The following FAM50A variants were observed in gnomAD, a reference collection of about 807,000 sequenced individuals.
FAM50A encodes family with sequence similarity 50 member A, also known as protein FAM50A.
A neutral mutation model predicts 35.5 loss-of-function variants in FAM50A; 6 were observed. That is an observed-to-expected ratio of 0.17 (90% CI 0.09 to 0.33). The LOEUF is 0.33. FAM50A is among the 10% of genes least tolerant of loss of function. FAM50A has a pLI of 1.00. For missense variants in FAM50A, 145 were observed against 295.5 expected, an observed-to-expected ratio of 0.49 and a Z score of 3.73; for synonymous variants, 120 against 110.9, an observed-to-expected ratio of 1.08 and a Z score of -0.52.
chrX:154,446,577 G>T lies in FAM50A; in HGVS notation c.442+17G>T. On this transcript the variant is annotated intron_variant, in intron 4 of 12. Transcript: ENST00000393600. ...AAAGGGAAGGTGAGGGCTGGCTTGA[G>T]TCGGAGCCCCGCCCGCAGCCCCTGG... The T allele has an allele frequency of 2.6e-6, 3 of 1,132,743 alleles. No homozygotes were observed. Among genetic ancestry groups the T allele is most frequent in the Non-Finnish European group, 3.5e-6 (3 of 854,392 alleles). The allele number at this position is 1,132,743 out of a possible 1,213,427, so 93.4% of individuals were successfully genotyped here.
chrX:154,448,993 C>T lies in FAM50A; in HGVS notation c.648+39C>T, dbSNP rs781786885. On this transcript the variant is annotated intron_variant, in intron 7 of 12. Transcript: ENST00000393600. The stretch of plus-strand genomic sequence containing the variant: ...AGCCTGCTTCCTGCTCACCATGGGC[C>T]CAGCCTCCCTCAGGTTCCGTGGGAA... 4.4e-6 allele frequency: 5 copies of T among 1,147,457 alleles called. No individual in the cohort carries two copies. In the African/African-American group the frequency reaches 8.9e-5, roughly 20 times the overall value. 94.6% of individuals were successfully genotyped at this position (1,147,457 alleles called of 1,213,427 possible).
chrX:154,449,328 T>C (rs369805936), intron 8 of FAM50A, 31 bp downstream of exon 8: 4 of 1,127,102 alleles, frequency 3.5e-6, no homozygotes, highest in Non-Finnish European at 4.9e-6. Context: ...CACGGTGGTG[T>C]GTGTGGCACC....
Position 154,446,476 on chromosome X carries a change from C to T in FAM50A, c.358C>T (p.Leu120=). Reference sequence around the variant, plus strand: ...GGAAGCCAAGCGGAAGATCTCCAGCCTGTCCTTCACCCTGGAGGAGGAAGA... The same window carrying T: ...GGAAGCCAAGCGGAAGATCTCCAGCTTGTCCTTCACCCTGGAGGAGGAAGA... ...KKEAKRKISS[L]SFTLEEEEEG... is the part of the protein sequence containing the mutation. Residue 120 remains leucine (L), a synonymous_variant, in exon 4 of 13, where the codon CTG becomes TTG. Coordinates refer to ENST00000393600, the MANE Select transcript of FAM50A (RefSeq NM_004699.4). 1 of 1,208,636 alleles carries T rather than the reference C, an allele frequency of 8.3e-7. No homozygotes were observed. The highest frequency in any genetic ancestry group is 1.1e-6 in the Non-Finnish European group (1 of 892,873).
rs905104711 is a variant in FAM50A at position 154,450,491 on chromosome X, C to A, written c.*59C>A. 4.3e-6 allele frequency: 5 copies of A among 1,157,052 alleles called. No homozygotes were observed. The highest frequency in any genetic ancestry group is 2.2e-5 in the Admixed American group (1 of 44,536). ...GCTCCCTCAGTGTGCCCCGTGGTGT[C>A]ACCGGGACTCCAGGCACCCGCTCCC... On this transcript the variant is annotated 3_prime_UTR_variant, in exon 13 of 13. Transcript: ENST00000393600.
In FAM50A at chrX:154,450,483, C is replaced by T. The variant is rs376703304; in HGVS notation, c.*51C>T. On this transcript the variant is annotated 3_prime_UTR_variant, in exon 13 of 13. Transcript: ENST00000393600. ...GCTCCTCAGCTCCCTCAGTGTGCCCCGTGGTGTCACCGGGACTCCAGGCAC... is the reference window on the plus strand; with the variant it reads ...GCTCCTCAGCTCCCTCAGTGTGCCCTGTGGTGTCACCGGGACTCCAGGCAC... 2.7e-4 allele frequency: 317 copies of T among 1,178,618 alleles called. No individual in the cohort carries two copies. The Admixed American group carries it at 2.9e-3, about 11-fold the overall frequency.
chrX:154,445,744 C>T (rs1255616016), intron 2 of FAM50A, 27 bp downstream of exon 2: 1 of 1,184,884 alleles, frequency 8.4e-7, no homozygotes, highest in African/African-American at 1.8e-5. Context: ...TGCCCCTCAC[C>T]CGGGCCCCGG....
In FAM50A at chrX:154,450,285, C is replaced by G; in HGVS notation, c.977C>G (p.Pro326Arg). 1 of 1,210,974 alleles carries G rather than the reference C, an allele frequency of 8.3e-7. No homozygotes were observed. The highest frequency in any genetic ancestry group is 1.1e-6 in the Non-Finnish European group (1 of 894,876). Residue 326 changes from proline to arginine, a missense_variant, in exon 12 of 13, where the codon CCC becomes CGC. Coordinates refer to ENST00000393600, the MANE Select transcript of FAM50A (RefSeq NM_004699.4). ...ATCTTTCCCGCCAGCCGCTGGGAAC[C>G]CTACGACCCTGAAAAGAAGTGGGAC... is the stretch of plus-strand genomic sequence containing the variant. ...KHIFPASRWE[P>R]YDPEKKWDKY...
rs1557200490 is a variant in FAM50A at position 154,450,561 on chromosome X, G to A, written c.*129G>A. 3.8e-5 allele frequency: 24 copies of A among 631,821 alleles called. No individual in the cohort carries two copies. Among genetic ancestry groups the A allele is most frequent in the Non-Finnish European group, 5.7e-5 (23 of 405,042 alleles). The allele number at this position is 631,821 out of a possible 1,213,427, so 52.1% of individuals were successfully genotyped here. On this transcript the variant is annotated 3_prime_UTR_variant, in exon 13 of 13. Coordinates refer to ENST00000393600, the MANE Select transcript of FAM50A (RefSeq NM_004699.4). ...GCTGGGAGGAGGACGGCAGCTGCTC[G>A]TGTCCTGCCCCTGCCACATCAGTGA...
Position 154,449,309 on chromosome X carries a change from G to A in FAM50A, c.725+12G>A, listed in dbSNP as rs376772251. The A allele has an allele frequency of 1.2e-5, 14 of 1,186,467 alleles. No individual in the cohort carries two copies. Among genetic ancestry groups the A allele is most frequent in the Non-Finnish European group, 1.5e-5 (13 of 872,631 alleles). The stretch of plus-strand genomic sequence containing the variant: ...TTCAGTGAGCTGAGGTGTGAGGTGT[G>A]CGTGTGTGCACGGTGGTGTGTGTGG... On this transcript the variant is annotated intron_variant, in intron 8 of 12. Transcript: ENST00000393600.
Position 154,450,530 on chromosome X carries a change from A to T in FAM50A, c.*98A>T. 1.1e-6 allele frequency: 1 copy of T among 924,012 alleles called. No homozygotes were observed. The highest frequency in any genetic ancestry group is 1.5e-6 in the Non-Finnish European group (1 of 652,774). The allele number at this position is 924,012 out of a possible 1,213,427, so 76.1% of individuals were successfully genotyped here. On this transcript the variant is annotated 3_prime_UTR_variant, in exon 13 of 13. Transcript: ENST00000393600. Reference sequence around the variant, plus strand: ...GCACCCGCTCCCCTGCGACCATGCCAGGCACGCTGGGAGGAGGACGGCAGC... The same window carrying T: ...GCACCCGCTCCCCTGCGACCATGCCTGGCACGCTGGGAGGAGGACGGCAGC...
chrX:154,450,081 C>T lies in FAM50A; in HGVS notation c.882C>T (p.Ala294=). 1 of 1,210,589 alleles carries T rather than the reference C, an allele frequency of 8.3e-7. No individual in the cohort carries two copies. ...VHDDVRLLSD[A]TVEKDESHAG... is the part of the protein sequence containing the mutation. ...ACGATGTGCGGTTGCTCAGTGACGC[C>T]ACTGTGGAGAAGGATGAGGTACAGC... is the stretch of plus-strand genomic sequence containing the variant. The change falls in exon 11 of 13, where the codon GCC becomes GCT. Residue 294 remains alanine, a synonymous_variant. Transcript: ENST00000393600.
intron 4 of FAM50A, among the ~76,000 whole-genome samples, chrX:154,447,105 G>A (rs887872515): frequency 6.2e-5 from 7 of 112,077 alleles, no homozygotes; most frequent in African/African-American, 1.6e-4. Flanking sequence ...TGCTCTGCTT[G>A]GGGCCCACCG....
In FAM50A at chrX:154,445,713, C is replaced by T. The variant is rs147042000; in HGVS notation, c.192C>T (p.Thr64=). ...TGGAGGCAGAGCTCAAGTCCAGCACCGTGGGTGAGCAGGGTGCGGGTGCCC... is the reference window on the plus strand; with the variant it reads ...TGGAGGCAGAGCTCAAGTCCAGCACTGTGGGTGAGCAGGGTGCGGGTGCCC... ...DAVEAELKSS[T]VGLVTLNDMK... The change falls in exon 2 of 13, where the codon ACC becomes ACT. Residue 64 remains threonine, a synonymous_variant. Coordinates refer to ENST00000393600, the MANE Select transcript of FAM50A (RefSeq NM_004699.4). 9.1e-6 allele frequency: 11 copies of T among 1,204,825 alleles called. No homozygotes were observed. Among genetic ancestry groups the T allele is most frequent in the Middle Eastern group, 2.6e-4 (1 of 3,901 alleles).
chrX:154,450,187 C>T, intron 11 of FAM50A, 22 bp from the exon 12 acceptor site: 1 of 1,203,457 alleles, frequency 8.3e-7, no homozygotes, highest in Non-Finnish European at 1.1e-6. Flanking sequence ...GCAGGCGGCC[C>T]TGTGCCCTCT....
chrX:154,449,861 C>T (rs1557200318), intron 9 of FAM50A, 22 bp from the exon 10 acceptor site: 1 of 1,208,751 alleles, frequency 8.3e-7, no homozygotes. Context: ...CAAGACGCCG[C>T]TTTCCTGCCC....
At position 154,445,847 on chromosome X, in the gene FAM50A, G is replaced by A; in HGVS notation, c.232G>A (p.Glu78Lys). 8.3e-7 allele frequency: 1 copy of A among 1,211,435 alleles called. No individual in the cohort carries two copies. The highest frequency in any genetic ancestry group is 1.1e-6 in the Non-Finnish European group (1 of 895,234). Residue 78 changes from glutamate to lysine, a missense_variant, in exon 3 of 13, where the codon GAG becomes AAG. Glu to Lys is a moderately conservative substitution (Grantham distance 56). Around this residue, in one of 5 missense-constraint regions of FAM50A, gnomAD observed 31 missense variants for 75.2 expected, o/e 0.41. Transcript: ENST00000393600. ...VTLNDMKAKQEALVKEREKQL... is the reference protein window; with the variant it reads ...VTLNDMKAKQKALVKEREKQL... Reference sequence around the variant, plus strand: ...CCTGAATGACATGAAGGCCAAGCAGGAGGCTCTGGTGAAGGAGCGGGAGAA... The same window carrying A: ...CCTGAATGACATGAAGGCCAAGCAGAAGGCTCTGGTGAAGGAGCGGGAGAA...
rs369206415 is a variant in FAM50A, at chrX:154,448,471, C to T, written c.443-13C>T. The T allele has an allele frequency of 1.0e-5, 12 of 1,198,529 alleles. No individual in the cohort carries two copies. Among genetic ancestry groups the T allele is most frequent in the Non-Finnish European group, 1.4e-5 (12 of 883,926 alleles). ...ATAATAATGCTATGATATTCGGCTT[C>T]CTTTTGTTCCAGAGATCACCACGAA... On this transcript the variant is annotated splice_polypyrimidine_tract_variant and intron_variant, in intron 4 of 12. Transcript: ENST00000393600.
intron 4 of FAM50A, among the ~76,000 whole-genome samples, chrX:154,448,185 C>T (rs1557200039): frequency 9.3e-6 from 1 of 107,343 alleles, no homozygotes; most frequent in Non-Finnish European, 1.9e-5. Context: ...CCTCCCACCT[C>T]AGCCTTCTGA....
rs782428530 is a variant in FAM50A, at chrX:154,444,353, G to A, written c.111+7G>A. The A allele has an allele frequency of 3.1e-5, 32 of 1,046,500 alleles. No individual in the cohort carries two copies. The highest frequency in any genetic ancestry group is 6.4e-5 in the South Asian group (3 of 47,141). The allele number at this position is 1,046,500 out of a possible 1,213,427, so 86.2% of individuals were successfully genotyped here. ...GAAGCAGCGCATCGCGGAGGTGCGA[G>A]CCGGGGAGCCTCGGAGCATGCGCGC... is the stretch of plus-strand genomic sequence containing the variant. On this transcript the variant is annotated splice_region_variant and intron_variant, in intron 1 of 12. Coordinates refer to ENST00000393600, the MANE Select transcript of FAM50A (RefSeq NM_004699.4).
Sources: gnomAD v4.1 joint callset for allele counts (sites outside exome capture counted in the v4.1 genomes callset) on GRCh38, gnomAD v4.1.1 for gene constraint, gnomAD v4.1.1 regional missense constraint, MANE v1.5 for transcripts, NCBI Gene and HGNC (gene_info 2026-07-23, HGNC 2026-07-21) for gene names.